XPR1: variants seen among roughly 807,000 people sequenced by gnomAD.
XPR1 encodes the protein solute carrier family 53 member 1.
Under a neutral mutation model 87.5 loss-of-function variants are expected in XPR1, and 28 were observed. The observed-to-expected ratio is 0.32, with a 90% CI of 0.24 to 0.44. The LOEUF is 0.44. XPR1 is among the 20% of genes least tolerant of loss of function. XPR1 has a pLI of 1.00. For synonymous variants in XPR1, 300 were observed against 306.1 expected (o/e 0.98, Z 0.21); for missense variants, 559 against 862.3 (o/e 0.65, Z 4.41).
At chr1:180,704,655 G>A (rs1265534185) in intron 2 of XPR1, among the ~76,000 whole-genome samples, 5 of 151,532 alleles carry the variant, frequency 3.3e-5, no homozygotes, top group Non-Finnish European at 7.4e-5. Flanking sequence ...TCTTTGGCCA[G>A]TGGGAGCCTA....
At chr1:180,632,628 T>C (rs974653768) in intron 1 of XPR1, among the ~76,000 whole-genome samples, 4 of 152,200 alleles carry the variant, frequency 2.6e-5, no homozygotes, top group Non-Finnish European at 5.9e-5. Flanking sequence ...GCTAATCCCC[T>C]TCTCCCCACT....
chr1:180,864,084 C>G (rs1050160335), intron 12 of XPR1, among the ~76,000 whole-genome samples: 1 of 152,088 alleles, frequency 6.6e-6, no homozygotes, highest in Non-Finnish European at 1.5e-5. Flanking sequence ...AAGTAAAATT[C>G]TCATTCTCAA....
intron 9 of XPR1, among the ~76,000 whole-genome samples, chr1:180,825,940 C>T (rs529504931): frequency 1.3e-5 from 2 of 152,214 alleles, no homozygotes; most frequent in Admixed American, 1.3e-4. Context: ...ATCCTAGCTA[C>T]TAGGGAGGCT....
chr1:180,658,298 G>C (rs115538951), intron 1 of XPR1, among the ~76,000 whole-genome samples: 3,123 of 152,110 alleles, frequency 0.021, 44 homozygotes, highest in African/African-American at 0.024. Context: ...TTGTCTGATT[G>C]CTCTAGCTAG....
chr1:180,777,727 ACT>A (rs1648777438), intron 2 of XPR1, among the ~76,000 whole-genome samples: 2 of 152,332 alleles, frequency 1.3e-5, no homozygotes, highest in South Asian at 2.1e-4. Flanking sequence ...TATAAATCAC[ACT>A]CTTAAAAAAA....
intron 1 of XPR1, among the ~76,000 whole-genome samples, chr1:180,638,160 A>G (rs928386398): frequency 2.0e-5 from 3 of 152,112 alleles, no homozygotes; most frequent in African/African-American, 7.3e-5. Context: ...TTCTTAGATC[A>G]AAAATATTTT....
At chr1:180,810,811 A>AT (rs372060868) in intron 6 of XPR1, among the ~76,000 whole-genome samples, 235 of 150,382 alleles carry the variant, frequency 1.6e-3, no homozygotes, top group South Asian at 2.9e-3. Flanking sequence ...ATATATGTGT[A>AT]TATATATGTA....
In XPR1 at chr1:180,773,845, G is replaced by T. The variant is rs182256834; in HGVS notation, c.122-13908G>T. 6.6e-5 allele frequency among the ~76,000 whole-genome samples: 10 copies of T among 152,236 alleles called. No individual in the cohort carries two copies. The East Asian group carries it at 1.7e-3, about 26-fold the overall frequency. The stretch of plus-strand genomic sequence containing the variant: ...GAGCCAAAACTGTGATTTTACATTA[G>T]AAATTAGTTAAGGTTTATTAATCGA... On this transcript the variant is annotated intron_variant, in intron 2 of 14. Transcript: ENST00000367590.
intron 7 of XPR1, among the ~76,000 whole-genome samples, chr1:180,819,746 G>A (rs12097111): frequency 0.043 from 6,563 of 152,208 alleles, 502 homozygotes; most frequent in African/African-American, 0.15. Context: ...GGCCGGGCGC[G>A]GTGGCTCATG....
intron 2 of XPR1, among the ~76,000 whole-genome samples, chr1:180,772,918 C>CAT (rs748267484): frequency 8.5e-5 from 13 of 152,132 alleles, no homozygotes; most frequent in Non-Finnish European, 1.8e-4. Flanking sequence ...TATCTATTTG[C>CAT]ATATATATTA....
chr1:180,799,684 C>T (rs1046642953), intron 3 of XPR1, among the ~76,000 whole-genome samples: 2 of 152,156 alleles, frequency 1.3e-5, no homozygotes, highest in Non-Finnish European at 2.9e-5. Context: ...TAATAGAAGG[C>T]ATCCAACACA....
intron 2 of XPR1, among the ~76,000 whole-genome samples, chr1:180,694,903 A>C (rs902086492): frequency 3.3e-5 from 5 of 151,842 alleles, no homozygotes; most frequent in African/African-American, 1.2e-4. Flanking sequence ...TTGATATACT[A>C]ATTTTCTTTT....
At chr1:180,652,180 T>C (rs1297372663) in intron 1 of XPR1, among the ~76,000 whole-genome samples, 1 of 152,046 alleles carries the variant, frequency 6.6e-6, no homozygotes, top group East Asian at 1.9e-4. Flanking sequence ...TAATCCTAGC[T>C]ACTTGGGAGG....
intron 2 of XPR1, among the ~76,000 whole-genome samples, chr1:180,703,308 A>T (rs1182782614): frequency 6.6e-6 from 1 of 152,132 alleles, no homozygotes; most frequent in South Asian, 2.1e-4. Context: ...AGTGGTGGTG[A>T]TGGGTGGAGT....
chr1:180,797,996 AG>A (rs1284456875), intron 3 of XPR1, among the ~76,000 whole-genome samples: 2 of 152,188 alleles, frequency 1.3e-5, no homozygotes, highest in African/African-American at 4.8e-5. Flanking sequence ...CATGTGTAAA[AG>A]GAGCCCTGAG....
At chr1:180,717,148 A>G (rs1658023763) in intron 2 of XPR1, among the ~76,000 whole-genome samples, 2 of 152,140 alleles carry the variant, frequency 1.3e-5, no homozygotes, top group Non-Finnish European at 2.9e-5. Flanking sequence ...GCCTGCCACC[A>G]TACCCAGCTA....
intron 2 of XPR1, among the ~76,000 whole-genome samples, chr1:180,781,929 C>T (rs1455440831): frequency 2.0e-5 from 3 of 151,828 alleles, no homozygotes; most frequent in Admixed American, 6.6e-5. Flanking sequence ...CAGTAATTTG[C>T]GGGGTGGATG....
intron 1 of XPR1, among the ~76,000 whole-genome samples, chr1:180,636,130 G>A (rs1654749810): frequency 6.6e-6 from 1 of 152,156 alleles, no homozygotes; most frequent in Admixed American, 6.5e-5. Flanking sequence ...TCAGGTATAA[G>A]GAGACATTAC....
chr1:180,696,798 G>A (rs1272842995), intron 2 of XPR1, among the ~76,000 whole-genome samples: 2 of 152,140 alleles, frequency 1.3e-5, no homozygotes, highest in Non-Finnish European at 2.9e-5. Context: ...TTATTGATTT[G>A]TGTATGTTGA....
Sources: gnomAD v4.1 joint callset for allele counts (sites outside exome capture counted in the v4.1 genomes callset) on GRCh38, gnomAD v4.1.1 for gene constraint, MANE v1.5 for transcripts, NCBI Gene and HGNC (gene_info 2026-07-23, HGNC 2026-07-21) for gene names.